Variants in TBC1D32 observed in about 807,000 individuals in gnomAD.
TBC1D32 encodes TBC1 domain family member 32.
TBC1D32 carries 151 observed loss-of-function variants against 170.3 expected under a neutral mutation model. The observed-to-expected ratio is 0.89, with a 90% CI of 0.78 to 1.01. The LOEUF is 1.01. Ranked by LOEUF, TBC1D32 falls within the 50% of genes least tolerant of loss-of-function variation. The pLI, the probability that TBC1D32 is intolerant of heterozygous loss-of-function variation, is 0.00. For synonymous variants in TBC1D32, 498 were observed against 488.0 expected (o/e 1.02, Z -0.27); for missense variants, 1,464 against 1,457.1 (o/e 1.00, Z -0.08).
chr6:121,198,568 G>A (rs1046210325), intron 22 of TBC1D32, among the ~76,000 whole-genome samples: 1 of 150,532 alleles, frequency 6.6e-6, no homozygotes. Context: ...TGGCTAACAC[G>A]GTGAAACCCT....
intron 17 of TBC1D32, among the ~76,000 whole-genome samples, chr6:121,255,000 T>C (rs1798776938): frequency 6.6e-6 from 1 of 152,118 alleles, no homozygotes; most frequent in Admixed American, 6.5e-5. Flanking sequence ...TTTGAGAACA[T>C]ATTATTTCTA....
chr6:121,096,525 CA>C (rs761692155), intron 30 of TBC1D32, among the ~76,000 whole-genome samples: 1 of 151,990 alleles, frequency 6.6e-6, no homozygotes, highest in Non-Finnish European at 1.5e-5. Context: ...AACTACAAAC[CA>C]CTGATCAAGG....
chr6:121,263,220 C>CA lies in TBC1D32; in HGVS notation c.1734-6936dup, dbSNP rs749040201. On this transcript the variant is annotated intron_variant, in intron 15 of 31. Transcript: ENST00000398212. ...CAAATATACACATAGGCTCAAAAAA[C>CA]AAAACAAAAAAAAGATAGAGGTAAA... Among the ~76,000 whole-genome samples, 17 of 128,204 alleles carry CA rather than the reference C, an allele frequency of 1.3e-4. No homozygotes were observed. In the East Asian group the frequency reaches 2.5e-3, roughly 19 times the overall value. The allele number at this position is 128,204 out of a possible 152,430, so 84.1% of individuals were successfully genotyped here. A position where few individuals can be genotyped will look rare whatever the true frequency, so the allele number is the denominator to read the frequency against.
chr6:121,321,841 A>G (rs1809770808), intron 1 of TBC1D32, 47 bp from the exon 2 acceptor site: 6 of 1,493,744 alleles, frequency 4.0e-6, no homozygotes, highest in Non-Finnish European at 5.4e-6. Context: ...TCATAAGCAT[A>G]TTCAGAAAAA....
chr6:121,095,982 T>C (rs945339223), intron 30 of TBC1D32: 2 of 152,086 alleles, frequency 1.3e-5, no homozygotes, highest in Admixed American at 1.3e-4. Flanking sequence ...TCTTCTATTG[T>C]TTGGAATAGT....
chr6:121,161,506 T>C (rs1785655107), intron 22 of TBC1D32, among the ~76,000 whole-genome samples: 1 of 152,208 alleles, frequency 6.6e-6, no homozygotes, highest in African/African-American at 2.4e-5. Flanking sequence ...TCCAGCTCCA[T>C]TCATGTCCCT....
chr6:121,187,343 T>C (rs1416285430), intron 22 of TBC1D32, among the ~76,000 whole-genome samples: 1 of 152,122 alleles, frequency 6.6e-6, no homozygotes, highest in African/African-American at 2.4e-5. Context: ...GGAACTAGTC[T>C]TATTATTGAA....
chr6:121,242,810 GAT>G (rs1222836631), intron 17 of TBC1D32, among the ~76,000 whole-genome samples: 2 of 151,892 alleles, frequency 1.3e-5, no homozygotes, highest in African/African-American at 4.8e-5. Context: ...TTTGGGGAAA[GAT>G]ATTTTTTCTC....
At chr6:121,318,596 C>T (rs1809250911) in intron 2 of TBC1D32, among the ~76,000 whole-genome samples, 1 of 151,866 alleles carries the variant, frequency 6.6e-6, no homozygotes, top group South Asian at 2.1e-4. Flanking sequence ...GGGATCCTGA[C>T]TATTTTACCA....
chr6:121,258,451 T>G (rs1799331241), intron 15 of TBC1D32, among the ~76,000 whole-genome samples: 2 of 152,122 alleles, frequency 1.3e-5, no homozygotes, highest in South Asian at 4.1e-4. Flanking sequence ...TTCTGTTTTT[T>G]GTTTTTTGTT....
intron 15 of TBC1D32, among the ~76,000 whole-genome samples, chr6:121,259,865 C>G (rs149280374): frequency 0.014 from 2,087 of 152,234 alleles, 25 homozygotes; most frequent in Non-Finnish European, 0.022. Context: ...CAGATTCCCC[C>G]CAACATTTCA....
intron 15 of TBC1D32, among the ~76,000 whole-genome samples, chr6:121,276,517 C>CG (rs1554298753): frequency 2.0e-5 from 3 of 151,504 alleles, no homozygotes; most frequent in Admixed American, 2.0e-4. Context: ...GAGTAGAACA[C>CG]AAAAAAAGGG....
rs560638037 is a variant in TBC1D32 at position 121,286,269 on chromosome 6, C to G, written c.1373-2359G>C. Among the ~76,000 whole-genome samples, 9 of 152,150 alleles carry G rather than the reference C, an allele frequency of 5.9e-5. No homozygotes were observed. The South Asian group carries it at 1.9e-3, about 32-fold the overall frequency. On this transcript the variant is annotated intron_variant, in intron 12 of 31. Transcript: ENST00000398212. ...AAATTGGATAAATGGCTAACTAGAACAACCAATGCAGAGAAGTCCTTAAAG... is the reference window on the plus strand; with the variant it reads ...AAATTGGATAAATGGCTAACTAGAAGAACCAATGCAGAGAAGTCCTTAAAG...
intron 11 of TBC1D32, among the ~76,000 whole-genome samples, chr6:121,292,749 A>AC (rs1234502129): frequency 2.0e-5 from 3 of 152,318 alleles, no homozygotes; most frequent in Admixed American, 2.0e-4. Flanking sequence ...ATTAGGGCGC[A>AC]TATGTATTTG....
At chr6:121,273,467 A>G (rs976114113) in intron 15 of TBC1D32, among the ~76,000 whole-genome samples, 2 of 151,002 alleles carry the variant, frequency 1.3e-5, no homozygotes, top group African/African-American at 4.9e-5. Context: ...AGGGTGGGGA[A>G]CATCACACAC....
intron 26 of TBC1D32, among the ~76,000 whole-genome samples, chr6:121,119,219 A>G (rs1025427159): frequency 1.3e-5 from 2 of 152,174 alleles, no homozygotes; most frequent in African/African-American, 4.8e-5. Context: ...GCCAGCTGAA[A>G]AACTGTTTCT....
chr6:121,176,271 G>A (rs1281733061), intron 22 of TBC1D32, among the ~76,000 whole-genome samples: 1 of 152,138 alleles, frequency 6.6e-6, no homozygotes, highest in Non-Finnish European at 1.5e-5. Context: ...AAGTAGTGAG[G>A]AAGCAAGCCA....
At chr6:121,112,999 C>A in intron 28 of TBC1D32, 63 bp downstream of exon 28, 1 of 1,246,380 alleles carries the variant, frequency 8.0e-7, no homozygotes. Flanking sequence ...GGTATATCAT[C>A]AAAGAATCAT....
chr6:121,286,109 TA>T (rs1450934192), intron 12 of TBC1D32, among the ~76,000 whole-genome samples: 3 of 152,132 alleles, frequency 2.0e-5, no homozygotes, highest in African/African-American at 7.2e-5. Context: ...ACGCAGCTCC[TA>T]ACCAGCAACG....
Sources: allele counts gnomAD v4.1 joint callset (sites outside exome capture counted in the v4.1 genomes callset), GRCh38; gene constraint gnomAD v4.1.1; transcripts MANE v1.5; gene names NCBI Gene and HGNC (gene_info 2026-07-23, HGNC 2026-07-21).